ZNF385D: variants seen among roughly 807,000 people sequenced by gnomAD.
ZNF385D encodes the protein zinc finger protein 385D.
A neutral mutation model predicts 35.8 loss-of-function variants in ZNF385D; 15 were observed. The ratio of observed to expected loss-of-function variants is 0.42; its 90% CI spans 0.28 to 0.64. The LOEUF (loss-of-function observed/expected upper bound fraction) is 0.64, where lower values mean the gene tolerates loss of function less well. Among genes scored for constraint, ZNF385D ranks in the 30% least tolerant of loss-of-function variants. The pLI is 0.23. For missense variants in ZNF385D, 474 were observed against 494.6 expected, an observed-to-expected ratio of 0.96 and a Z score of 0.39; for synonymous variants, 212 against 186.8, an observed-to-expected ratio of 1.13 and a Z score of -1.10.
rs542061418 is a variant in ZNF385D, at chr3:21,712,664, C to T, written c.22+38231G>A. On this transcript the variant is annotated intron_variant, in intron 1 of 7. Transcript: ENST00000281523. ...GTTTCATGCAGAAAAAAATGAGAAT[C>T]GTTCCTATGAAGAATATCCCAGTTT... Among the ~76,000 whole-genome samples the T allele has an allele frequency of 1.4e-4, 21 of 152,222 alleles. No homozygotes were observed. In the South Asian group the frequency reaches 3.5e-3, roughly 26 times the overall value.
At chr3:22,102,011 T>A (rs1301106501) in intron 3 of ZNF385D, among the ~76,000 whole-genome samples, 1 of 151,434 alleles carries the variant, frequency 6.6e-6, no homozygotes, top group Non-Finnish European at 1.5e-5. Flanking sequence ...CATCAGGTTT[T>A]TTTCATGACA....
chr3:21,551,450 CTG>C (rs1242771424), intron 3 of ZNF385D, among the ~76,000 whole-genome samples: 1 of 152,188 alleles, frequency 6.6e-6, no homozygotes, highest in Non-Finnish European at 1.5e-5. Context: ...AGGAAGTTAA[CTG>C]TAATAACACT....
At chr3:22,318,577 T>G (rs781728896) in intron 2 of ZNF385D, among the ~76,000 whole-genome samples, 1 of 152,130 alleles carries the variant, frequency 6.6e-6, no homozygotes, top group Non-Finnish European at 1.5e-5. Flanking sequence ...GAATTGGTGG[T>G]CAAAGAAATT....
intron 2 of ZNF385D, among the ~76,000 whole-genome samples, chr3:22,267,236 A>T (rs984363173): frequency 6.6e-6 from 1 of 151,980 alleles, no homozygotes; most frequent in Non-Finnish European, 1.5e-5. Context: ...ATTAGGTTTC[A>T]AAAGATAAAT....
chr3:21,860,519 G>A lies in ZNF385D; in HGVS notation c.326-195491C>T, dbSNP rs372232997. Among the ~76,000 whole-genome samples, 24 of 152,086 alleles carry A rather than the reference G, an allele frequency of 1.6e-4. 1 individual carries two copies. The highest frequency in any genetic ancestry group is 9.8e-4 in the Admixed American group (15 of 15,258). ...TTGGCCTCTTTCATCAGTGAGATAAGTACAGATATCCCCACATCAACATCA... is the reference window on the plus strand; with the variant it reads ...TTGGCCTCTTTCATCAGTGAGATAAATACAGATATCCCCACATCAACATCA... On this transcript the variant is annotated intron_variant, in intron 3 of 5. Transcript: ENST00000494108.
intron 2 of ZNF385D, among the ~76,000 whole-genome samples, chr3:21,568,115 A>T (rs2125664233): frequency 6.6e-6 from 1 of 152,278 alleles, no homozygotes; most frequent in East Asian, 1.9e-4. Flanking sequence ...TAGATACACC[A>T]TCAAAAGTAA....
At chr3:21,660,865 G>C (rs1424389114) in intron 2 of ZNF385D, among the ~76,000 whole-genome samples, 2 of 152,190 alleles carry the variant, frequency 1.3e-5, no homozygotes. Context: ...TACAGAGACA[G>C]TCAGCTTTTC....
At chr3:21,976,361 G>T (rs953454033) in intron 3 of ZNF385D, among the ~76,000 whole-genome samples, 2 of 152,098 alleles carry the variant, frequency 1.3e-5, no homozygotes, top group African/African-American at 4.8e-5. Context: ...GTTTTGATTA[G>T]TATCTTCAAA....
intron 3 of ZNF385D, among the ~76,000 whole-genome samples, chr3:21,518,204 A>T (rs555769259): frequency 2.0e-5 from 3 of 152,188 alleles, no homozygotes; most frequent in Non-Finnish European, 4.4e-5. Context: ...TATATTACTC[A>T]CCCTAAAAAT....
At chr3:22,315,061 CA>C (rs1271062730) in intron 2 of ZNF385D, among the ~76,000 whole-genome samples, 1 of 152,024 alleles carries the variant, frequency 6.6e-6, no homozygotes, top group African/African-American at 2.4e-5. Context: ...TGACTAGAGG[CA>C]CAAAACCCAG....
At chr3:21,806,897 T>C (rs1269293673) in intron 3 of ZNF385D, among the ~76,000 whole-genome samples, 1 of 152,206 alleles carries the variant, frequency 6.6e-6, no homozygotes, top group African/African-American at 2.4e-5. Context: ...GTAATTCTTA[T>C]AACCAGAGCC....
intron 3 of ZNF385D, among the ~76,000 whole-genome samples, chr3:21,765,006 T>C (rs1008625567): frequency 6.6e-6 from 1 of 152,182 alleles, no homozygotes; most frequent in Non-Finnish European, 1.5e-5. Flanking sequence ...AGATTACCCA[T>C]AGCTGTCTCA....
intron 2 of ZNF385D, among the ~76,000 whole-genome samples, chr3:21,636,508 C>T (rs555961499): frequency 6.7e-6 from 1 of 150,050 alleles, no homozygotes; most frequent in South Asian, 2.1e-4. Context: ...GTCCGAATCC[C>T]AAAGCTGAAG....
chr3:22,071,820 G>C (rs1482254544), intron 3 of ZNF385D, among the ~76,000 whole-genome samples: 1 of 152,020 alleles, frequency 6.6e-6, no homozygotes, highest in East Asian at 1.9e-4. Context: ...AAGTGCCTAA[G>C]ACAAGCAATC....
intron 2 of ZNF385D, among the ~76,000 whole-genome samples, chr3:22,202,110 G>T (rs534352279): frequency 6.6e-6 from 1 of 152,068 alleles, no homozygotes; most frequent in East Asian, 1.9e-4. Flanking sequence ...CCTTTCTTTA[G>T]TTCAATTTTT....
At chr3:21,562,090 A>G (rs1389882242) in intron 3 of ZNF385D, 1 of 152,134 alleles carries the variant, frequency 6.6e-6, no homozygotes, top group South Asian at 2.1e-4. Context: ...GACATGCCAC[A>G]CAGACCTGAA....
intron 3 of ZNF385D, among the ~76,000 whole-genome samples, chr3:21,902,867 T>A (rs1012447763): frequency 3.3e-5 from 5 of 152,106 alleles, no homozygotes; most frequent in African/African-American, 1.2e-4. Flanking sequence ...AAACTGATAA[T>A]ACACCCCTTT....
At chr3:21,444,375 C>T (rs1471189967) in intron 4 of ZNF385D, among the ~76,000 whole-genome samples, 9 of 124,180 alleles carry the variant, frequency 7.2e-5, no homozygotes, top group Admixed American at 1.9e-4. Flanking sequence ...CCACAGCACC[C>T]GGCCTTTTTT....
At chr3:22,282,779 A>G (rs1391277502) in intron 2 of ZNF385D, among the ~76,000 whole-genome samples, 1 of 151,922 alleles carries the variant, frequency 6.6e-6, no homozygotes, top group Non-Finnish European at 1.5e-5. Context: ...TAACACAATG[A>G]AAAAAAACAC....
Sources: gnomAD v4.1 joint callset for allele counts (sites outside exome capture counted in the v4.1 genomes callset) on GRCh38, gnomAD v4.1.1 for gene constraint, MANE v1.5 for transcripts, NCBI Gene and HGNC (gene_info 2026-07-23, HGNC 2026-07-21) for gene names.